The following SAMD7 variants were observed in gnomAD, a reference collection of about 807,000 sequenced individuals.
The protein encoded by SAMD7 is sterile alpha motif domain containing 7.
SAMD7 carries 34 observed loss-of-function variants against 36.7 expected under a neutral mutation model. The observed-to-expected ratio is 0.93, with a 90% CI of 0.71 to 1.23. The LOEUF (loss-of-function observed/expected upper bound fraction) is 1.23, where lower values mean the gene tolerates loss of function less well. Among genes scored for constraint, SAMD7 ranks in the 50% most tolerant of loss-of-function variants. SAMD7 has a pLI of 0.00. For synonymous variants in SAMD7, 188 were observed against 189.7 expected (o/e 0.99, Z 0.07); for missense variants, 570 against 546.6 (o/e 1.04, Z -0.43).
rs1167782717 is a variant in SAMD7, at chr3:169,936,540, CTTAT to C, written c.1152+95_1152+98del. 315 of 726,700 alleles carry C rather than the reference CTTAT, an allele frequency of 4.3e-4. 1 individual carries two copies. The highest frequency in any genetic ancestry group is 3.7e-5 in the Non-Finnish European group (16 of 426,824). 45.0% of individuals were successfully genotyped at this position (726,700 alleles called of 1,614,324 possible). On this transcript the variant is annotated intron_variant, in intron 8 of 8. Transcript: ENST00000335556. ...TTATCTTGTTGTAATATAAATAATACTTATTTAACTTCTTTATTGCTTTCCCTCT... is the reference window on the plus strand; with the variant it reads ...TTATCTTGTTGTAATATAAATAATACTTAACTTCTTTATTGCTTTCCCTCT...
At chr3:169,924,965 A>T (rs1713194669) in intron 4 of SAMD7, 93 bp from the exon 5 acceptor site, 3 of 757,052 alleles carry the variant, frequency 4.0e-6, no homozygotes, top group Admixed American at 6.4e-5. Context: ...TTTTTTTCAG[A>T]TACTGTTTTA....
chr3:169,932,500 G>C, intron 7 of SAMD7: 5 of 577,380 alleles, frequency 8.7e-6, no homozygotes, highest in Non-Finnish European at 1.0e-5. Flanking sequence ...CCCTGCTGAT[G>C]GTGGGCAGAT....
rs1231583759 is a variant in SAMD7 at position 169,926,239 on chromosome 3, T to C, written c.291-314T>C. 4 of 1,326,000 alleles carry C rather than the reference T, an allele frequency of 3.0e-6. No homozygotes were observed. The African/African-American group carries it at 4.5e-5, about 15-fold the overall frequency. 82.1% of individuals were successfully genotyped at this position (1,326,000 alleles called of 1,614,324 possible). A position where few individuals can be genotyped will look rare whatever the true frequency, so the allele number is the denominator to read the frequency against. ...GTTTGAAAACCTCTTCCCAGTACTT[T>C]AGGTTTTTTGAGGATTAATCTCTGG... On this transcript the variant is annotated intron_variant, in intron 5 of 8. Coordinates refer to ENST00000335556, the MANE Select transcript of SAMD7 (RefSeq NM_001304366.2).
chr3:169,937,169 C>T (rs551500264), intron 8 of SAMD7, among the ~76,000 whole-genome samples: 58 of 152,262 alleles, frequency 3.8e-4, no homozygotes, highest in Admixed American at 2.0e-3. Flanking sequence ...AACCCCAGCA[C>T]GCCACTTCTC....
At chr3:169,924,523 G>T (rs2108260258) in intron 4 of SAMD7, among the ~76,000 whole-genome samples, 1 of 152,220 alleles carries the variant, frequency 6.6e-6, no homozygotes, top group Non-Finnish European at 1.5e-5. Context: ...GGAGGTAGAG[G>T]TTGTAGTGAG....
chr3:169,933,390 A>C (rs890404417), intron 7 of SAMD7, among the ~76,000 whole-genome samples: 1 of 152,248 alleles, frequency 6.6e-6, no homozygotes, highest in African/African-American at 2.4e-5. Context: ...TTTCTGTAGT[A>C]GAAACTAAAG....
In SAMD7 at chr3:169,919,577, G is replaced by A. The variant is rs377075192; in HGVS notation, c.79G>A (p.Val27Met). Residue 27 changes from valine (V) to methionine (M), a missense_variant, in exon 3 of 9, where the codon GTG becomes ATG. Transcript: ENST00000335556. ...LIPSPFGPPT[V>M]DRDVLPSTVA... The stretch of plus-strand genomic sequence containing the variant: ...CCCCTCACCATTTGGGCCTCCAACT[G>A]TGGACAGGTATTTCTCTTCAATATA... The A allele has an allele frequency of 3.1e-6, 5 of 1,610,056 alleles. No individual in the cohort carries two copies. In the African/African-American group the frequency reaches 6.7e-5, roughly 22 times the overall value.
At chr3:169,927,419 C>A (rs543275356) in intron 6 of SAMD7, among the ~76,000 whole-genome samples, 1 of 151,202 alleles carries the variant, frequency 6.6e-6, no homozygotes, top group Admixed American at 6.6e-5. Flanking sequence ...CTCAGCCTCC[C>A]GAGTAGCTGG....
In SAMD7 at chr3:169,938,714, G is replaced by T; in HGVS notation, c.*208G>T. The stretch of plus-strand genomic sequence containing the variant: ...CCAAATGACTGGAGACGCATCCTTA[G>T]GAGCAAATGCTAATGAAGGGGAGAT... On this transcript the variant is annotated 3_prime_UTR_variant, in exon 9 of 9. Transcript: ENST00000335556. 2 of 409,576 alleles carry T rather than the reference G, an allele frequency of 4.9e-6. No homozygotes were observed. The highest frequency in any genetic ancestry group is 8.6e-6 in the Non-Finnish European group (2 of 233,062). The allele number at this position is 409,576 out of a possible 1,614,324, so 25.4% of individuals were successfully genotyped here. A position where few individuals can be genotyped will look rare whatever the true frequency, so the allele number is the denominator to read the frequency against.
At chr3:169,930,559 C>T (rs1412577418) in intron 7 of SAMD7, among the ~76,000 whole-genome samples, 1 of 148,476 alleles carries the variant, frequency 6.7e-6, no homozygotes, top group Non-Finnish European at 1.5e-5. Flanking sequence ...CTCATTGTTA[C>T]TCATAGCCCC....
chr3:169,935,566 G>T (rs1713688144), intron 7 of SAMD7, among the ~76,000 whole-genome samples: 1 of 152,098 alleles, frequency 6.6e-6, no homozygotes, highest in South Asian at 2.1e-4. Context: ...GAAAATGAGG[G>T]AAGGCTCTGC....
At chr3:169,918,024 A>G (rs1345869142) in intron 2 of SAMD7, among the ~76,000 whole-genome samples, 2 of 151,140 alleles carry the variant, frequency 1.3e-5, no homozygotes. Context: ...CGCAACCTCC[A>G]CTTCCCAGAT....
rs779057132 is a variant in SAMD7, at chr3:169,919,576, T to A, written c.78T>A (p.Thr26=). 73 of 1,609,764 alleles carry A rather than the reference T, an allele frequency of 4.5e-5. No individual in the cohort carries two copies. The highest frequency in any genetic ancestry group is 6.2e-5 in the Non-Finnish European group (73 of 1,176,164). The stretch of plus-strand genomic sequence containing the variant: ...TCCCCTCACCATTTGGGCCTCCAAC[T>A]GTGGACAGGTATTTCTCTTCAATAT... ...PLIPSPFGPP[T]VDRDVLPSTV... is the part of the protein sequence containing the mutation. Residue 26 remains threonine (T), a synonymous_variant, in exon 3 of 9, where the codon ACT becomes ACA. Coordinates refer to ENST00000335556, the MANE Select transcript of SAMD7 (RefSeq NM_001304366.2).
At position 169,926,881 on chromosome 3, in the gene SAMD7, G is replaced by A; in HGVS notation, c.619G>A (p.Glu207Lys). The part of the protein sequence containing the change: ...DAESSKSQAE[E>K]KILGQTHAVP... ...TGAGAGTTCCAAAAGTCAAGCAGAA[G>A]AAAAAATCCTAGGTCAGACTCATGC... is the stretch of plus-strand genomic sequence containing the variant. Residue 207 changes from glutamate (E) to lysine (K), a missense_variant, in exon 6 of 9, where the codon GAA (glutamate) becomes AAA (lysine). Physicochemically the swap from Glu to Lys is moderately conservative, Grantham distance 56 (BLOSUM62 1). Coordinates refer to ENST00000335556, the MANE Select transcript of SAMD7 (RefSeq NM_001304366.2). The A allele has an allele frequency of 2.5e-6, 4 of 1,613,784 alleles. No individual in the cohort carries two copies. The highest frequency in any genetic ancestry group is 3.4e-6 in the Non-Finnish European group (4 of 1,179,962).
Position 169,938,817 on chromosome 3 carries a change from A to G in SAMD7, c.*311A>G. ...AGAAACCAAAAGAGCTGAAACTGAA[A>G]AAAGAGCTCCCTCCCTTTTTTCACT... On this transcript the variant is annotated 3_prime_UTR_variant, in exon 9 of 9. Transcript: ENST00000335556. 4.3e-6 allele frequency: 1 copy of G among 230,060 alleles called. No homozygotes were observed. The highest frequency in any genetic ancestry group is 8.4e-6 in the Non-Finnish European group (1 of 119,688). The allele number at this position is 230,060 out of a possible 1,614,324, so 14.3% of individuals were successfully genotyped here.
intron 8 of SAMD7, among the ~76,000 whole-genome samples, chr3:169,937,362 T>G (rs1337820000): frequency 2.6e-5 from 4 of 152,180 alleles, no homozygotes; most frequent in Non-Finnish European, 5.9e-5. Context: ...CACCTAGGTA[T>G]TAAGCCCAGC....
At chr3:169,934,708 A>C (rs1318321066) in intron 7 of SAMD7, among the ~76,000 whole-genome samples, 1 of 152,208 alleles carries the variant, frequency 6.6e-6, no homozygotes, top group Admixed American at 6.5e-5. Context: ...AACTGGCACG[A>C]TTTAGCTTCT....
chr3:169,932,133 C>T (rs939030978), intron 7 of SAMD7: 5 of 558,194 alleles, frequency 9.0e-6, no homozygotes, highest in Non-Finnish European at 1.3e-5. Flanking sequence ...GGGCTTTTCA[C>T]CGAATGATGA....
At position 169,925,038 on chromosome 3, in the gene SAMD7, T is replaced by C; in HGVS notation, c.212-20T>C. The C allele has an allele frequency of 1.3e-6, 2 of 1,490,848 alleles. No homozygotes were observed. The highest frequency in any genetic ancestry group is 1.2e-5 in the South Asian group (1 of 84,606). 92.4% of individuals were successfully genotyped at this position (1,490,848 alleles called of 1,614,324 possible). Reference sequence around the variant, plus strand: ...TTTTTAATTTATTTGTGGGGTGGGATGGTGGTTTTCTTTTTTAAGGTTGGG... The same window carrying C: ...TTTTTAATTTATTTGTGGGGTGGGACGGTGGTTTTCTTTTTTAAGGTTGGG... On this transcript the variant is annotated intron_variant, in intron 4 of 8. Coordinates refer to ENST00000335556, the MANE Select transcript of SAMD7 (RefSeq NM_001304366.2).
Sources: allele counts gnomAD v4.1 joint callset (sites outside exome capture counted in the v4.1 genomes callset), GRCh38; gene constraint gnomAD v4.1.1; transcripts MANE v1.5; gene names NCBI Gene and HGNC (gene_info 2026-07-23, HGNC 2026-07-21).